RPTOR: variants seen among roughly 807,000 people sequenced by gnomAD.
The protein encoded by RPTOR is regulatory associated protein of MTOR complex 1.
In RPTOR, 21 loss-of-function variants were observed where a neutral mutation model predicts 169.9. That is an observed-to-expected ratio of 0.12 (90% CI 0.09 to 0.18). The LOEUF is 0.18. RPTOR is among the 10% of genes least tolerant of loss of function. RPTOR has a pLI of 1.00. For missense variants in RPTOR, 1,133 were observed against 1,855.9 expected, an observed-to-expected ratio of 0.61 and a Z score of 7.16; for synonymous variants, 732 against 753.2, an observed-to-expected ratio of 0.97 and a Z score of 0.46.
intron 5 of RPTOR, among the ~76,000 whole-genome samples, chr17:80,750,185 A>G (rs4602089): frequency 0.18 from 27,001 of 152,168 alleles, 2,835 homozygotes; most frequent in East Asian, 0.24. Context: ...AGTAAACCAC[A>G]CTGATATTTT....
At chr17:80,824,878 CAG>C (rs2067421318) in intron 9 of RPTOR, among the ~76,000 whole-genome samples, 1 of 152,246 alleles carries the variant, frequency 6.6e-6, no homozygotes, top group African/African-American at 2.4e-5. Context: ...AGCCAGAGCA[CAG>C]AGAGGAGCCA....
intron 1 of RPTOR, among the ~76,000 whole-genome samples, chr17:80,604,104 C>T (rs1037713010): frequency 2.0e-5 from 3 of 152,218 alleles, no homozygotes; most frequent in Non-Finnish European, 2.9e-5. Flanking sequence ...GTCTCTCAAA[C>T]ACAGACGGGG....
chr17:80,692,801 A>G (rs2066003981), intron 3 of RPTOR, among the ~76,000 whole-genome samples: 1 of 152,226 alleles, frequency 6.6e-6, no homozygotes, highest in Non-Finnish European at 1.5e-5. Context: ...CTTTGTAGTT[A>G]TGTAAAATAT....
intron 7 of RPTOR, among the ~76,000 whole-genome samples, chr17:80,801,238 G>A (rs1229360625): frequency 6.6e-6 from 1 of 152,176 alleles, no homozygotes; most frequent in African/African-American, 2.4e-5. Context: ...GAGCCCCCAT[G>A]GTGCCAGGCA....
At chr17:80,574,167 T>G (rs1377168558) in intron 1 of RPTOR, among the ~76,000 whole-genome samples, 1 of 147,830 alleles carries the variant, frequency 6.8e-6, no homozygotes, top group Non-Finnish European at 1.5e-5. Context: ...TCTTTTTTTT[T>G]TTTTTTTTGA....
intron 1 of RPTOR, among the ~76,000 whole-genome samples, chr17:80,618,522 A>T (rs2065330344): frequency 6.6e-6 from 1 of 152,228 alleles, no homozygotes; most frequent in South Asian, 2.1e-4. Context: ...TGTAGCACTC[A>T]CGTGTGCGAA....
At chr17:80,933,182 A>G (rs2068918497) in intron 24 of RPTOR, among the ~76,000 whole-genome samples, 1 of 152,272 alleles carries the variant, frequency 6.6e-6, no homozygotes, top group African/African-American at 2.4e-5. Flanking sequence ...GGAAAGAAGA[A>G]TAAAGCCATC....
rs557693568 is a variant in RPTOR, at chr17:80,649,563, G to A, written c.348+5753G>A. 1.9e-4 allele frequency among the ~76,000 whole-genome samples: 29 copies of A among 152,236 alleles called. No homozygotes were observed. The South Asian group carries it at 5.8e-3, about 30-fold the overall frequency. On this transcript the variant is annotated intron_variant, in intron 3 of 33. Coordinates refer to ENST00000306801, the MANE Select transcript of RPTOR (RefSeq NM_020761.3). ...ACTGTGGGTGGATGGCTCACAGCTTGCATAATTCAGTACCTGGTGTGAAGC... is the reference window on the plus strand; with the variant it reads ...ACTGTGGGTGGATGGCTCACAGCTTACATAATTCAGTACCTGGTGTGAAGC...
chr17:80,864,457 G>GA (rs2067963445), intron 13 of RPTOR, among the ~76,000 whole-genome samples: 1 of 152,228 alleles, frequency 6.6e-6, no homozygotes, highest in Non-Finnish European at 1.5e-5. Context: ...CCTACAGATG[G>GA]AAAAGGCAGA....
intron 3 of RPTOR, among the ~76,000 whole-genome samples, chr17:80,671,292 A>T (rs1220600546): frequency 6.6e-6 from 1 of 152,100 alleles, no homozygotes; most frequent in Non-Finnish European, 1.5e-5. Flanking sequence ...AATGTTCCTG[A>T]TAATCAAATT....
intron 14 of RPTOR, among the ~76,000 whole-genome samples, chr17:80,880,814 G>A (rs1464487632): frequency 6.6e-6 from 1 of 152,192 alleles, no homozygotes; most frequent in Non-Finnish European, 1.5e-5. Context: ...GCTGTCCGCC[G>A]CGTTAGACTA....
At chr17:80,945,591 C>CA (rs761785992) in intron 25 of RPTOR, 76 bp from the exon 26 acceptor site, 63 of 996,144 alleles carry the variant, frequency 6.3e-5, no homozygotes, top group Middle Eastern at 2.5e-4. Context: ...GACTCCGTCT[C>CA]AAAAAAAATA....
intron 1 of RPTOR, among the ~76,000 whole-genome samples, chr17:80,552,114 C>T (rs1319563891): frequency 1.3e-5 from 2 of 152,176 alleles, no homozygotes; most frequent in African/African-American, 4.8e-5. Context: ...AATGGAGTCT[C>T]CTATGTCTAC....
rs557889931 is a variant in RPTOR, at chr17:80,820,533, C to T, written c.891-1668C>T. Among the ~76,000 whole-genome samples, 3 of 152,294 alleles carry T rather than the reference C, an allele frequency of 2.0e-5. No individual in the cohort carries two copies. Among genetic ancestry groups the T allele is most frequent in the East Asian group, 3.9e-4 (2 of 5,176 alleles). On this transcript the variant is annotated intron_variant, in intron 7 of 33. Coordinates refer to ENST00000306801, the MANE Select transcript of RPTOR (RefSeq NM_020761.3). This position sits in a 1 kb window ranked among gnomAD's most constrained non-coding sequence, Gnocchi z 4.1. ...TGCATTTCATAAGGAAATGTCTTCT[C>T]TTTGGGAGGTGTGCCCCACCCTCAC... is the stretch of plus-strand genomic sequence containing the variant.
In RPTOR at chr17:80,960,339, C is replaced by T. The variant is rs374447378; in HGVS notation, c.3605+134C>T. The T allele has an allele frequency of 1.3e-5, 16 of 1,242,442 alleles. No homozygotes were observed. Among genetic ancestry groups the T allele is most frequent in the Admixed American group, 4.2e-5 (2 of 47,868 alleles). 77.0% of individuals were successfully genotyped at this position (1,242,442 alleles called of 1,614,324 possible). A position where few individuals can be genotyped will look rare whatever the true frequency, so the allele number is the denominator to read the frequency against. On this transcript the variant is annotated intron_variant, in intron 30 of 33. Transcript: ENST00000306801. This position sits in a 1 kb window ranked among gnomAD's most constrained non-coding sequence, Gnocchi z 4.8. ...AAGCTTCCCCAGGAGCCTGCAGTGG[C>T]GTATTTAGGCCAGTCCTGGGCTCCC...
chr17:80,555,995 G>T (rs1409920773), intron 1 of RPTOR, among the ~76,000 whole-genome samples: 2 of 151,810 alleles, frequency 1.3e-5, no homozygotes, highest in African/African-American at 4.8e-5. Context: ...CACTTCGGGA[G>T]GCTGAGCTGG....
chr17:80,847,371 TAGAA>T (rs1366778517), intron 11 of RPTOR, among the ~76,000 whole-genome samples: 3 of 152,240 alleles, frequency 2.0e-5, no homozygotes, highest in Admixed American at 1.3e-4. Context: ...GTAGTGAAGT[TAGAA>T]AGATTCCACA....
At chr17:80,869,029 C>T (rs1436032508) in intron 13 of RPTOR, among the ~76,000 whole-genome samples, 1 of 152,142 alleles carries the variant, frequency 6.6e-6, no homozygotes, top group Admixed American at 6.5e-5. Context: ...CAGGTGTAGA[C>T]GTACGTCCAA....
chr17:80,943,518 G>C (rs937972096), intron 25 of RPTOR, among the ~76,000 whole-genome samples: 2 of 152,208 alleles, frequency 1.3e-5, no homozygotes, highest in South Asian at 2.1e-4. Flanking sequence ...TTCTACCCCA[G>C]ATCGGGAGGC....
Sources: allele counts gnomAD v4.1 joint callset (sites outside exome capture counted in the v4.1 genomes callset), GRCh38; gene constraint gnomAD v4.1.1; non-coding constraint Gnocchi (gnomAD v3.1); transcripts MANE v1.5; gene names NCBI Gene and HGNC (gene_info 2026-07-23, HGNC 2026-07-21).